LINGO2: variants seen among roughly 807,000 people sequenced by gnomAD.
LINGO2 encodes leucine rich repeat and Ig domain containing 2.
A neutral mutation model predicts 30.6 loss-of-function variants in LINGO2; 14 were observed. The ratio of observed to expected loss-of-function variants is 0.46; its 90% CI spans 0.30 to 0.72. The LOEUF (loss-of-function observed/expected upper bound fraction) is 0.72. LINGO2 is among the 30% of genes least tolerant of loss of function. The pLI is 0.07. For synonymous variants in LINGO2, 317 were observed against 288.5 expected, an observed-to-expected ratio of 1.10 and a Z score of -1.00; for missense variants, 729 against 751.7, an observed-to-expected ratio of 0.97 and a Z score of 0.35.
chr9:28,859,237 TTTAA>T, the LINGO2 span, among the ~76,000 whole-genome samples: 1 of 152,090 alleles, frequency 6.6e-6, no homozygotes, highest in African/African-American at 2.4e-5. Context: ...AGTTTACTTC[TTTAA>T]TTATTATTTG....
the LINGO2 span, among the ~76,000 whole-genome samples, chr9:29,073,185 C>T: frequency 3.3e-5 from 5 of 152,084 alleles, no homozygotes; most frequent in South Asian, 1.0e-3. Flanking sequence ...TACATACAGA[C>T]CCATACATAT....
chr9:28,905,227 G>C, the LINGO2 span, among the ~76,000 whole-genome samples: 2 of 149,630 alleles, frequency 1.3e-5, no homozygotes, highest in East Asian at 2.0e-4. Context: ...ATAATATTTT[G>C]GATACAACAA....
chr9:27,975,273 T>C (rs1266888404), intron 5 of LINGO2, among the ~76,000 whole-genome samples: 1 of 152,110 alleles, frequency 6.6e-6, no homozygotes, highest in South Asian at 2.1e-4. Context: ...GTCTTAGTAA[T>C]GCACTATTTA....
intron 2 of LINGO2, among the ~76,000 whole-genome samples, chr9:28,374,763 T>G (rs2134591608): frequency 6.6e-6 from 1 of 152,274 alleles, no homozygotes; most frequent in Non-Finnish European, 1.5e-5. Flanking sequence ...TTACTCCGCT[T>G]TCACAAATGA....
At chr9:28,028,522 A>G (rs1340194930) in intron 4 of LINGO2, among the ~76,000 whole-genome samples, 1 of 152,160 alleles carries the variant, frequency 6.6e-6, no homozygotes, top group Non-Finnish European at 1.5e-5. Context: ...AACAATATAC[A>G]TAATATAATC....
intron 4 of LINGO2, among the ~76,000 whole-genome samples, chr9:28,208,219 C>T (rs1012705172): frequency 6.6e-6 from 1 of 151,908 alleles, no homozygotes; most frequent in African/African-American, 2.4e-5. Flanking sequence ...TTTGAATTTT[C>T]GTTTTGATTT....
chr9:28,645,491 A>G (rs1827796649), intron 1 of LINGO2, among the ~76,000 whole-genome samples: 1 of 152,136 alleles, frequency 6.6e-6, no homozygotes, highest in Admixed American at 6.6e-5. Flanking sequence ...TGATAGTAGC[A>G]ATTTGATAAA....
chr9:28,576,273 C>T (rs1311328422), intron 1 of LINGO2, among the ~76,000 whole-genome samples: 5 of 152,198 alleles, frequency 3.3e-5, no homozygotes, highest in African/African-American at 7.2e-5. Flanking sequence ...GAATGTTCAA[C>T]TACGTATCAT....
intron 1 of LINGO2, among the ~76,000 whole-genome samples, chr9:28,622,718 T>C (rs1409859470): frequency 2.8e-5 from 4 of 145,204 alleles, no homozygotes; most frequent in African/African-American, 7.8e-5. Flanking sequence ...CTGGATCATA[T>C]GGCAGCTCTA....
intron 4 of LINGO2, among the ~76,000 whole-genome samples, chr9:28,279,997 CGAA>C (rs1375216121): frequency 6.6e-6 from 1 of 151,968 alleles, no homozygotes; most frequent in African/African-American, 2.4e-5. Flanking sequence ...TTAGGACAGT[CGAA>C]GGAGTATGGC....
the LINGO2 span, among the ~76,000 whole-genome samples, chr9:28,977,864 G>A: frequency 2.0e-5 from 3 of 152,068 alleles, no homozygotes; most frequent in Non-Finnish European, 4.4e-5. Context: ...AATTCTGGCT[G>A]AGCAGTATAA....
At chr9:28,747,941 G>A in the LINGO2 span, among the ~76,000 whole-genome samples, 2 of 152,056 alleles carry the variant, frequency 1.3e-5, no homozygotes, top group Non-Finnish European at 2.9e-5. Context: ...TTTATTTTGG[G>A]AGACAACGAG....
Position 28,621,625 on chromosome 9 carries a change from G to A in LINGO2, c.-365+48575C>T, listed in dbSNP as rs115954395. On this transcript the variant is annotated intron_variant, in intron 1 of 5. Coordinates refer to ENST00000379992, the Ensembl canonical transcript of LINGO2. ...ATAAATGTCATTGGTTTTTTGGCAT[G>A]GTGTCTTTTAACTCAGCAAGTTTCT... is the stretch of plus-strand genomic sequence containing the variant. Among the ~76,000 whole-genome samples the A allele has an allele frequency of 9.1e-3, 1,379 of 151,874 alleles. 22 individuals are homozygous for A. The highest frequency in any genetic ancestry group is 0.032 in the African/African-American group (1,327 of 41,436).
intron 2 of LINGO2, among the ~76,000 whole-genome samples, chr9:28,405,299 T>A (rs1822454529): frequency 6.6e-6 from 1 of 152,178 alleles, no homozygotes; most frequent in Admixed American, 6.5e-5. Context: ...TATATTAATA[T>A]GTGTCCTCTC....
intron 1 of LINGO2, among the ~76,000 whole-genome samples, chr9:28,647,985 T>G (rs1273196428): frequency 1.3e-5 from 2 of 151,188 alleles, no homozygotes; most frequent in African/African-American, 4.9e-5. Context: ...TGTAGACACA[T>G]GTACCGTAAA....
chr9:28,629,956 T>C (rs1178537963), intron 1 of LINGO2, among the ~76,000 whole-genome samples: 1 of 148,072 alleles, frequency 6.8e-6, no homozygotes, highest in Non-Finnish European at 1.5e-5. Context: ...CAGAGTGTGA[T>C]ATTCCCCTTC....
rs569701444 is a variant in LINGO2, at chr9:28,430,109, C to CGCGTGTGT, written c.-279+45830_-279+45831insACACACGC. On this transcript the variant is annotated intron_variant, in intron 2 of 5. Transcript: ENST00000379992. Reference sequence around the variant, plus strand: ...AGGCTGATTTCCACGCGCGCGCGCGCGTGTGTGTGTGTGTGTGTGTGATTC... The same window carrying CGCGTGTGT: ...AGGCTGATTTCCACGCGCGCGCGCGCGCGTGTGTGTGTGTGTGTGTGTGTGTGTGATTC... Among the ~76,000 whole-genome samples the CGCGTGTGT allele has an allele frequency of 5.8e-3, 794 of 136,180 alleles. 5 individuals carry two copies. Among genetic ancestry groups the CGCGTGTGT allele is most frequent in the African/African-American group, 0.017 (632 of 38,056 alleles). The allele number at this position is 136,180 out of a possible 152,430, so 89.3% of individuals were successfully genotyped here. A position where few individuals can be genotyped will look rare whatever the true frequency, so the allele number is the denominator to read the frequency against.
At chr9:28,750,625 C>G in the LINGO2 span, among the ~76,000 whole-genome samples, 1 of 151,968 alleles carries the variant, frequency 6.6e-6, no homozygotes, top group Non-Finnish European at 1.5e-5. Context: ...AAAAAATTAA[C>G]AGATTTGGAG....
At chr9:28,955,587 C>G in the LINGO2 span, among the ~76,000 whole-genome samples, 891 of 152,064 alleles carry the variant, frequency 5.9e-3, 12 homozygotes, top group African/African-American at 0.02. Flanking sequence ...TGGGCATCTT[C>G]CAGGTTGACA....
Sources: allele counts gnomAD v4.1 joint callset (sites outside exome capture counted in the v4.1 genomes callset), GRCh38; gene constraint gnomAD v4.1.1; transcripts MANE v1.5; gene names NCBI Gene and HGNC (gene_info 2026-07-23, HGNC 2026-07-21).